IL2RG: variants seen among roughly 807,000 people sequenced by gnomAD.
IL2RG encodes the protein cytokine receptor common subunit gamma.
For synonymous variants in IL2RG, 111 were observed against 108.5 expected, an observed-to-expected ratio of 1.02 and a Z score of -0.15; for missense variants, 205 against 272.9, an observed-to-expected ratio of 0.75 and a Z score of 1.75.
At position 71,107,768 on chromosome X, in the gene IL2RG, G is replaced by T; in HGVS notation, c.1078C>A (p.Pro360Thr). ...PCNQHSPYWAPPCYTLKPET is the reference protein window; with the variant it reads ...PCNQHSPYWATPCYTLKPET ...TCAGGCTTTAGGGTGTAACATGGGGGGGCCCAGTAGGGGCTATGCTGGTTG... is the reference window on the plus strand; with the variant it reads ...TCAGGCTTTAGGGTGTAACATGGGGTGGCCCAGTAGGGGCTATGCTGGTTG... Residue 360 changes from proline (P) to threonine (T), a missense_variant, in exon 8 of 8, where the codon CCC (proline) becomes ACC (threonine). By Grantham distance (38) the Pro-to-Thr change is conservative. Transcript: ENST00000374202. The T allele has an allele frequency of 8.7e-7, 1 of 1,150,920 alleles. No homozygotes were observed. Among genetic ancestry groups the T allele is most frequent in the Non-Finnish European group, 1.2e-6 (1 of 866,390 alleles). The allele number at this position is 1,150,920 out of a possible 1,213,427, so 94.8% of individuals were successfully genotyped here. A position where few individuals can be genotyped will look rare whatever the true frequency, so the allele number is the denominator to read the frequency against.
rs774953764 is a variant in IL2RG at position 71,108,335 on chromosome X, C to T, written c.866G>A (p.Arg289Gln). The T allele has an allele frequency of 9.2e-6, 11 of 1,199,007 alleles. No individual in the cohort carries two copies. Among genetic ancestry groups the T allele is most frequent in the Middle Eastern group, 2.3e-4 (1 of 4,299 alleles). The change falls in exon 7 of 8, where the codon CGA becomes CAA. Residue 289 changes from arginine (R) to glutamine (Q), a missense_variant. Transcript: ENST00000374202. The stretch of plus-strand genomic sequence containing the variant: ...CTCTAGGTTCTTCAGGGTGGGAATT[C>T]GGGGCATCGTCCTGACAGGGGAGAA... ...VYFWLERTMP[R>Q]IPTLKNLEDL...
chrX:71,110,869 A>T, intron 2 of IL2RG, 28 bp downstream of exon 2: 1 of 1,205,790 alleles, frequency 8.3e-7, no homozygotes, highest in Non-Finnish European at 1.1e-6. Context: ...CCTCTTCTTC[A>T]TCCCCTCCCC....
In IL2RG at chrX:71,111,500, G is replaced by A; in HGVS notation, c.40C>T (p.Leu14=). ...PSLPFTSLLF[L]QLPLLGVGLN... ...CCCACTCCCAGCAGGGGCAGCTGCAGGAATAAGAGGGATGTGAATGGTAAT... is the reference window on the plus strand; with the variant it reads ...CCCACTCCCAGCAGGGGCAGCTGCAAGAATAAGAGGGATGTGAATGGTAAT... The change falls in exon 1 of 8, where the codon CTG becomes TTG. Residue 14 remains leucine, a synonymous_variant. Transcript: ENST00000374202. 1 of 1,211,074 alleles carries A rather than the reference G, an allele frequency of 8.3e-7. No homozygotes were observed. The highest frequency in any genetic ancestry group is 3.0e-5 in the East Asian group (1 of 33,818).
In IL2RG at chrX:71,110,299, G is replaced by A. The variant is rs757827108; in HGVS notation, c.455-4C>T. The A allele has an allele frequency of 2.5e-6, 3 of 1,208,321 alleles. No individual in the cohort carries two copies. Among genetic ancestry groups the A allele is most frequent in the East Asian group, 5.9e-5 (2 of 33,780 alleles). ...TTCTCTGGAGCCCAGGGGATCACTGGAGATATGTGTGCATATGTGGTCATT... is the reference window on the plus strand; with the variant it reads ...TTCTCTGGAGCCCAGGGGATCACTGAAGATATGTGTGCATATGTGGTCATT... On this transcript the variant is annotated splice_region_variant and splice_polypyrimidine_tract_variant and intron_variant, in intron 3 of 7. Coordinates refer to ENST00000374202, the MANE Select transcript of IL2RG (RefSeq NM_000206.3).
At position 71,107,665 on chromosome X, in the gene IL2RG, G is replaced by A. The variant is rs769917653; in HGVS notation, c.*71C>T. The A allele has an allele frequency of 2.5e-5, 22 of 873,362 alleles. No individual in the cohort carries two copies. The highest frequency in any genetic ancestry group is 6.9e-5 in the South Asian group (2 of 28,843). 72.0% of individuals were successfully genotyped at this position (873,362 alleles called of 1,213,427 possible). ...TGAGGTGAGTATGAGACGCAGGTGG[G>A]TTGAATGAAGGAAAGTTAGTACCAC... On this transcript the variant is annotated 3_prime_UTR_variant, in exon 8 of 8. Coordinates refer to ENST00000374202, the MANE Select transcript of IL2RG (RefSeq NM_000206.3).
intron 1 of IL2RG, 104 bp from the exon 2 acceptor site, chrX:71,111,154 G>T: frequency 1.1e-6 from 1 of 873,071 alleles, no homozygotes. Flanking sequence ...TGCTTTGAAA[G>T]GCTGAGGCAG....
chrX:71,109,963 GAAAAGAAA>G (rs2092259858), intron 4 of IL2RG, among the ~76,000 whole-genome samples, 185 bp downstream of exon 4: 1 of 104,793 alleles, frequency 9.5e-6, no homozygotes, highest in Non-Finnish European at 2.0e-5. Context: ...AGAAAGAAAA[GAAAAGAAA>G]AAAAGAAAAC....
intron 3 of IL2RG, 49 bp from the exon 4 acceptor site, chrX:71,110,344 A>G: frequency 8.5e-7 from 1 of 1,173,616 alleles, no homozygotes; most frequent in Non-Finnish European, 1.2e-6. Flanking sequence ...TAGACAAGTC[A>G]GGATCCTGAA....
chrX:71,108,436 T>G, intron 6 of IL2RG, 90 bp from the exon 7 acceptor site: 1 of 727,995 alleles, frequency 1.4e-6, no homozygotes, highest in Non-Finnish European at 2.2e-6. Flanking sequence ...ATAAAGTGAT[T>G]CTGTGTTCTC....
rs200239526 is a variant in IL2RG, at chrX:71,108,694, C to T, written c.759G>A (p.Glu253=). The T allele has an allele frequency of 8.6e-7, 1 of 1,164,179 alleles. No homozygotes were observed. Among genetic ancestry groups the T allele is most frequent in the Admixed American group, 2.3e-5 (1 of 44,144 alleles). Residue 253 remains glutamate (E), a splice_region_variant and synonymous_variant, in exon 6 of 8, where the codon GAG becomes GAA. Transcript: ENST00000374202. ...CTTCCAATGCAAACAGGAAAGGATT[C>T]TCTATAGAAAAAAGAAAAGCAAAGT... ...PIHWGSNTSK[E]NPFLFALEAV...
At position 71,109,280 on chromosome X, in the gene IL2RG, C is replaced by T. The variant is rs758986831; in HGVS notation, c.705G>A (p.Gln235=). ...TTGGGTGGCTCCATTCACTCCAATG[C>T]TGAGCACTTCCACAGAGTGGGTTAA... The part of the protein sequence containing the change: ...SRFNPLCGSA[Q]HWSEWSHPIH... The change falls in exon 5 of 8, where the codon CAG becomes CAA. Residue 235 remains glutamine, a synonymous_variant. Coordinates refer to ENST00000374202, the MANE Select transcript of IL2RG (RefSeq NM_000206.3). 1 of 1,211,419 alleles carries T rather than the reference C, an allele frequency of 8.3e-7. No individual in the cohort carries two copies. The highest frequency in any genetic ancestry group is 1.1e-6 in the Non-Finnish European group (1 of 895,072).
intron 6 of IL2RG, 75 bp from the exon 7 acceptor site, chrX:71,108,421 AT>A (rs1312393743): frequency 1.2e-6 from 1 of 812,312 alleles, no homozygotes; most frequent in Admixed American, 2.3e-5. Context: ...GTTGTCCCAT[AT>A]GAAATAAAGT....
Position 71,108,837 on chromosome X carries a change from T to A in IL2RG, c.758-142A>T, listed in dbSNP as rs1421490537. On this transcript the variant is annotated intron_variant, in intron 5 of 7. Coordinates refer to ENST00000374202, the MANE Select transcript of IL2RG (RefSeq NM_000206.3). ...CTCCTGTGAGGCAGGAACAATTACC[T>A]CCATCTTACATCTTAGGAAACAGAA... The A allele has an allele frequency of 4.0e-5, 19 of 473,730 alleles. No individual in the cohort carries two copies. The East Asian group carries it at 6.2e-4, about 16-fold the overall frequency. 39.0% of individuals were successfully genotyped at this position (473,730 alleles called of 1,213,427 possible). A position where few individuals can be genotyped will look rare whatever the true frequency, so the allele number is the denominator to read the frequency against.
intron 7 of IL2RG, 165 bp from the exon 8 acceptor site, chrX:71,108,086 A>T (rs772857411): frequency 1.7e-5 from 9 of 522,628 alleles, no homozygotes; most frequent in Non-Finnish European, 1.0e-5. Context: ...TGCCTCATTC[A>T]ATCTATAATC....
chrX:71,110,113 T>C (rs1156259230), intron 4 of IL2RG, 43 bp downstream of exon 4: 1 of 1,200,427 alleles, frequency 8.3e-7, no homozygotes. Flanking sequence ...TTAGCCCTAC[T>C]TTCTTGGCCT....
chrX:71,110,483 G>A, intron 3 of IL2RG, 21 bp downstream of exon 3: 1 of 1,201,178 alleles, frequency 8.3e-7, no homozygotes, highest in Non-Finnish European at 1.1e-6. Flanking sequence ...CTGGTCTCTT[G>A]ACCCTTTCTT....
chrX:71,111,138 T>A lies in IL2RG; in HGVS notation c.116-88A>T, dbSNP rs45470692. 5,634 of 958,899 alleles carry A rather than the reference T, an allele frequency of 5.9e-3. 15 individuals carry two copies. Among genetic ancestry groups the A allele is most frequent in the Non-Finnish European group, 6.7e-3 (4,594 of 689,234 alleles). 79.0% of individuals were successfully genotyped at this position (958,899 alleles called of 1,213,427 possible). Reference sequence around the variant, plus strand: ...CAAGCACGGTGGCTCATGTCTGTAATCCTGGTGCTTTGAAAGGCTGAGGCA... The same window carrying A: ...CAAGCACGGTGGCTCATGTCTGTAAACCTGGTGCTTTGAAAGGCTGAGGCA... On this transcript the variant is annotated intron_variant, in intron 1 of 7. Coordinates refer to ENST00000374202, the MANE Select transcript of IL2RG (RefSeq NM_000206.3).
chrX:71,111,111 G>C, intron 1 of IL2RG, 61 bp from the exon 2 acceptor site: 1 of 1,044,577 alleles, frequency 9.6e-7, no homozygotes, highest in Non-Finnish European at 1.3e-6. Context: ...GAAGGAGGAG[G>C]CCAAGCACGG....
chrX:71,110,674 T>A lies in IL2RG; in HGVS notation c.284A>T (p.Asp95Val). ...LTLHYWYKNS[D>V]NDKVQKCSHY... ...GCTGCACTTCTGGACTTTATCATTA[T>A]CCGAGTTCTTGTACCTAGAGGAGAA... Residue 95 changes from aspartate (D) to valine (V), a missense_variant, in exon 3 of 8, where the codon GAT becomes GTT. Coordinates refer to ENST00000374202, the MANE Select transcript of IL2RG (RefSeq NM_000206.3). The A allele has an allele frequency of 8.3e-7, 1 of 1,208,377 alleles. No homozygotes were observed. The highest frequency in any genetic ancestry group is 1.1e-6 in the Non-Finnish European group (1 of 892,516).
Sources: allele counts gnomAD v4.1 joint callset (sites outside exome capture counted in the v4.1 genomes callset), GRCh38; gene constraint gnomAD v4.1.1; transcripts MANE v1.5; gene names NCBI Gene and HGNC (gene_info 2026-07-23, HGNC 2026-07-21).